TMEM178B: variants seen among roughly 807,000 people sequenced by gnomAD.
TMEM178B encodes transmembrane protein 178B.
TMEM178B carries 5 observed loss-of-function variants against 31.0 expected under a neutral mutation model. The ratio of observed to expected loss-of-function variants is 0.16; its 90% confidence interval spans 0.08 to 0.34. The LOEUF is 0.34. TMEM178B is among the 10% of genes least tolerant of loss of function. The pLI, the probability that TMEM178B is intolerant of heterozygous loss-of-function variation, is 1.00. For synonymous variants in TMEM178B, 164 were observed against 164.0 expected (o/e 1.00, Z 0.00); for missense variants, 275 against 400.3 (o/e 0.69, Z 2.67).
chr7:141,194,921 A>G (rs1796757670), intron 1 of TMEM178B, among the ~76,000 whole-genome samples: 1 of 152,226 alleles, frequency 6.6e-6, no homozygotes, highest in Non-Finnish European at 1.5e-5. Flanking sequence ...GAAGCTGCCA[A>G]GGCTTGGGGC....
At chr7:141,350,927 T>G (rs1265120637) in intron 2 of TMEM178B, among the ~76,000 whole-genome samples, 2 of 152,222 alleles carry the variant, frequency 1.3e-5, no homozygotes, top group East Asian at 3.8e-4. Context: ...GAATAACCCC[T>G]ATCCCTGGCT....
chr7:141,488,540 A>G, the TMEM178B span, among the ~76,000 whole-genome samples: 1 of 152,070 alleles, frequency 6.6e-6, no homozygotes, highest in Non-Finnish European at 1.5e-5. Context: ...CCCGGGTTCA[A>G]GTGATTCTCC....
intron 2 of TMEM178B, among the ~76,000 whole-genome samples, chr7:141,288,243 C>G (rs1798482152): frequency 6.6e-6 from 1 of 151,648 alleles, no homozygotes; most frequent in Non-Finnish European, 1.5e-5. Context: ...CGCGCTGAAA[C>G]TTGACCTTTC....
intron 1 of TMEM178B, among the ~76,000 whole-genome samples, chr7:141,122,275 G>A (rs920413268): frequency 1.3e-5 from 2 of 152,174 alleles, no homozygotes; most frequent in Admixed American, 1.3e-4. Context: ...GCCTTGAGGA[G>A]GGACTTCATA....
the TMEM178B span, among the ~76,000 whole-genome samples, chr7:141,509,017 C>T: frequency 1.3e-5 from 2 of 152,040 alleles, no homozygotes; most frequent in African/African-American, 4.8e-5. Context: ...CTAGTATATG[C>T]GGGACATGAC....
intron 2 of TMEM178B, among the ~76,000 whole-genome samples, chr7:141,277,922 A>G (rs2116392443): frequency 6.6e-6 from 1 of 152,350 alleles, no homozygotes; most frequent in South Asian, 2.1e-4. Flanking sequence ...AGTATACAAC[A>G]TTCCATCTCA....
At chr7:141,085,410 C>A (rs1156306431) in intron 1 of TMEM178B, among the ~76,000 whole-genome samples, 2 of 151,992 alleles carry the variant, frequency 1.3e-5, no homozygotes, top group African/African-American at 4.8e-5. Context: ...TGAGCATTCA[C>A]AGAAGTTTGA....
At chr7:141,128,854 C>T (rs1367373014) in intron 1 of TMEM178B, among the ~76,000 whole-genome samples, 1 of 152,084 alleles carries the variant, frequency 6.6e-6, no homozygotes, top group African/African-American at 2.4e-5. Flanking sequence ...AACAAGGAGC[C>T]TTCCAGGATG....
intron 1 of TMEM178B, among the ~76,000 whole-genome samples, chr7:141,192,456 G>A (rs956108747): frequency 6.6e-6 from 1 of 151,952 alleles, no homozygotes; most frequent in Non-Finnish European, 1.5e-5. Context: ...TGGGTTGAGA[G>A]ATGGGAAGGA....
chr7:141,092,362 C>CTAT (rs1794895505), intron 1 of TMEM178B, among the ~76,000 whole-genome samples: 1 of 152,086 alleles, frequency 6.6e-6, no homozygotes, highest in Non-Finnish European at 1.5e-5. Flanking sequence ...ATAGCATGAA[C>CTAT]CTCCTTGGCT....
intron 2 of TMEM178B, among the ~76,000 whole-genome samples, chr7:141,309,615 C>T (rs1361154425): frequency 6.6e-6 from 1 of 152,046 alleles, no homozygotes; most frequent in Non-Finnish European, 1.5e-5. Context: ...TTTATCTTCT[C>T]TTGTGACTTG....
intron 2 of TMEM178B, among the ~76,000 whole-genome samples, chr7:141,386,212 C>G (rs2116596250): frequency 6.6e-6 from 1 of 152,306 alleles, no homozygotes; most frequent in Non-Finnish European, 1.5e-5. Flanking sequence ...CCTGTTTCCT[C>G]CTTCAGCTCC....
chr7:141,381,795 A>G (rs571775166), intron 2 of TMEM178B, among the ~76,000 whole-genome samples: 5 of 152,070 alleles, frequency 3.3e-5, no homozygotes, highest in South Asian at 2.1e-4. Context: ...TACATTTTCT[A>G]TTTTATCTGA....
chr7:141,099,513 T>A (rs1586767476), intron 1 of TMEM178B, among the ~76,000 whole-genome samples: 1 of 152,350 alleles, frequency 6.6e-6, no homozygotes, highest in East Asian at 1.9e-4. Context: ...GCCAGCAATG[T>A]ATTGTTAAAG....
chr7:141,337,119 TCAC>T (rs1799423840), intron 2 of TMEM178B, among the ~76,000 whole-genome samples: 1 of 34,850 alleles, frequency 2.9e-5, no homozygotes, highest in Non-Finnish European at 4.8e-5. Flanking sequence ...ACCACCACCA[TCAC>T]CACCATCACC....
chr7:141,295,851 A>G (rs1355116071), intron 2 of TMEM178B, among the ~76,000 whole-genome samples: 3 of 152,114 alleles, frequency 2.0e-5, no homozygotes, highest in African/African-American at 7.2e-5. Context: ...TTGTCCCCAC[A>G]TTTCCAGAAA....
intron 2 of TMEM178B, among the ~76,000 whole-genome samples, chr7:141,435,726 G>A (rs1801523528): frequency 6.6e-6 from 1 of 152,208 alleles, no homozygotes; most frequent in South Asian, 2.1e-4. Context: ...AGTTCCATCT[G>A]ACACATATGG....
At chr7:141,218,103 C>G (rs145993211) in intron 2 of TMEM178B, among the ~76,000 whole-genome samples, 2 of 151,986 alleles carry the variant, frequency 1.3e-5, no homozygotes, top group East Asian at 3.9e-4. Flanking sequence ...CACACAGACA[C>G]GAGCTCACTC....
At chr7:141,152,201 C>T (rs930869396) in intron 1 of TMEM178B, among the ~76,000 whole-genome samples, 6 of 152,152 alleles carry the variant, frequency 3.9e-5, no homozygotes, top group Admixed American at 3.3e-4. Context: ...TGACTGAGCC[C>T]CACACTAGGA....
Sources: allele counts gnomAD v4.1 joint callset (sites outside exome capture counted in the v4.1 genomes callset), GRCh38; gene constraint gnomAD v4.1.1; transcripts MANE v1.5; gene names NCBI Gene and HGNC (gene_info 2026-07-23, HGNC 2026-07-21).